The following NUCB1 variants were observed in gnomAD, a reference collection of about 807,000 sequenced individuals.
The protein encoded by NUCB1 is nucleobindin-1.
NUCB1 carries 47 observed loss-of-function variants against 61.2 expected under a neutral mutation model. The observed-to-expected ratio is 0.77, with a 90% CI of 0.61 to 0.98. The LOEUF is 0.98. NUCB1 is among the 50% of genes least tolerant of loss of function. The pLI, the probability that NUCB1 is intolerant of heterozygous loss-of-function variation, is 0.00. For synonymous variants in NUCB1, 234 were observed against 243.1 expected, an observed-to-expected ratio of 0.96 and a Z score of 0.35; for missense variants, 583 against 605.3, an observed-to-expected ratio of 0.96 and a Z score of 0.39.
intron 7 of NUCB1, among the ~76,000 whole-genome samples, chr19:48,916,583 GC>G (rs112078304): frequency 0.11 from 16,357 of 151,758 alleles, 953 homozygotes; most frequent in Middle Eastern, 0.2. Flanking sequence ...TCATACCAGT[GC>G]CCTCCAGCCT....
Position 48,919,054 on chromosome 19 carries a change from AATG to A in NUCB1, c.843_845del (p.Asn281_Glu282delinsLys), listed in dbSNP as rs749731908. Reference sequence around the variant, plus strand: ...GCTGGAGAAAGTGTACGACCCAAAGAATGAGGAGGACGACATGCGGGAGATGGA... The same window carrying A: ...GCTGGAGAAAGTGTACGACCCAAAGAAGGAGGACGACATGCGGGAGATGGA... On this transcript the variant is annotated inframe_deletion, in exon 9 of 13. Transcript: ENST00000405315. 2 of 1,614,030 alleles carry A rather than the reference AATG, an allele frequency of 1.2e-6. No individual in the cohort carries two copies. Among genetic ancestry groups the A allele is most frequent in the East Asian group, 4.5e-5 (2 of 44,878 alleles).
chr19:48,901,986 A>G (rs1043178836), intron 2 of NUCB1, among the ~76,000 whole-genome samples: 1 of 152,124 alleles, frequency 6.6e-6, no homozygotes, highest in Admixed American at 6.6e-5. Flanking sequence ...TGTGTTGCAT[A>G]GTTGTTAGGG....
At chr19:48,913,376 G>A (rs2037501620) in intron 6 of NUCB1, 98 bp from the exon 7 acceptor site, 1 of 1,262,386 alleles carries the variant, frequency 7.9e-7, no homozygotes, top group South Asian at 1.2e-5. Context: ...CTTGCTTGAG[G>A]GAGATGATGT....
At chr19:48,900,952 A>G in intron 2 of NUCB1, 21 bp downstream of exon 2, 1 of 1,613,606 alleles carries the variant, frequency 6.2e-7, no homozygotes, top group Non-Finnish European at 8.5e-7. Context: ...CTGCCCTGCT[A>G]TCCAGCCAGG....
Position 48,919,452 on chromosome 19 carries a change from C to CTTATTTAT in NUCB1, c.1002+200_1002+207dup, listed in dbSNP as rs35642334. ...TCTGTTTTCCCCTGTCTCTAGGACT[C>CTTATTTAT]TTATTTATTTATTTATTTATTTATT... On this transcript the variant is annotated intron_variant, in intron 10 of 12. Transcript: ENST00000405315. Among the ~76,000 whole-genome samples, 1,130 of 141,922 alleles carry CTTATTTAT rather than the reference C, an allele frequency of 8.0e-3. 6 individuals carry two copies. The highest frequency in any genetic ancestry group is 0.016 in the East Asian group (73 of 4,666). 93.1% of individuals were successfully genotyped at this position (141,922 alleles called of 152,430 possible). A position where few individuals can be genotyped will look rare whatever the true frequency, so the allele number is the denominator to read the frequency against.
chr19:48,919,500 C>T (rs1040476939), intron 10 of NUCB1, among the ~76,000 whole-genome samples: 1 of 144,764 alleles, frequency 6.9e-6, no homozygotes, highest in Non-Finnish European at 1.5e-5. Context: ...TATTCTGAGA[C>T]GGAGTCTCAC....
In NUCB1 at chr19:48,913,722, C is replaced by T. The variant is rs543437044; in HGVS notation, c.757+158C>T. Among the ~76,000 whole-genome samples the T allele has an allele frequency of 4.6e-5, 7 of 152,278 alleles. No homozygotes were observed. In the South Asian group the frequency reaches 1.0e-3, roughly 23 times the overall value. ...GTTGACCAGACAGCCCTGCCTCTCC[C>T]GACTACAAGGCTAGGATCTGCATGG... is the stretch of plus-strand genomic sequence containing the variant. On this transcript the variant is annotated intron_variant, in intron 7 of 12. Transcript: ENST00000405315.
In NUCB1 at chr19:48,911,319, G is replaced by T; in HGVS notation, c.480+67G>T. 4 of 1,111,304 alleles carry T rather than the reference G, an allele frequency of 3.6e-6. No individual in the cohort carries two copies. The African/African-American group carries it at 6.1e-5, about 17-fold the overall frequency. The allele number at this position is 1,111,304 out of a possible 1,614,324, so 68.8% of individuals were successfully genotyped here. On this transcript the variant is annotated intron_variant, in intron 5 of 12. Transcript: ENST00000405315. ...TTGCGGAAGGGGAGAAGGGGACAGA[G>T]TCCCAGACGTGAGCCAGCTCACCAT...
chr19:48,913,239 G>A, intron 6 of NUCB1, 43 bp downstream of exon 6: 1 of 1,552,688 alleles, frequency 6.4e-7, no homozygotes, highest in Non-Finnish European at 8.7e-7. Flanking sequence ...ACCACATCCA[G>A]TTCAAACGCA....
At chr19:48,911,391 G>A (rs530130167) in intron 5 of NUCB1, 139 bp downstream of exon 5, 10 of 470,180 alleles carry the variant, frequency 2.1e-5, no homozygotes, top group East Asian at 3.6e-5. Flanking sequence ...GGGCTGAGTC[G>A]TTTCTTTTCT....
intron 2 of NUCB1, among the ~76,000 whole-genome samples, chr19:48,902,664 C>A (rs1019987492): frequency 2.0e-5 from 3 of 151,990 alleles, no homozygotes; most frequent in African/African-American, 4.8e-5. Flanking sequence ...CCCGCCTCGG[C>A]CTCCCAAAGT....
rs750561134 is a variant in NUCB1, at chr19:48,904,336, T to C, written c.136-11T>C. On this transcript the variant is annotated splice_polypyrimidine_tract_variant and intron_variant, in intron 2 of 12. Transcript: ENST00000405315. ...GAGCAGGGGCTGCTATGTCTGTCCT[T>C]GTTGCCTCAGGACACAGGCCTGTAC... is the stretch of plus-strand genomic sequence containing the variant. 3.8e-6 allele frequency: 6 copies of C among 1,573,818 alleles called. No individual in the cohort carries two copies. In the Admixed American group the frequency reaches 1.0e-4, roughly 26 times the overall value.
At chr19:48,904,079 ATGGATGGATGGATGGT>A (rs1379911817) in intron 2 of NUCB1, among the ~76,000 whole-genome samples, 1 of 151,466 alleles carries the variant, frequency 6.6e-6, no homozygotes, top group East Asian at 1.9e-4. Context: ...GGGTGGATGC[ATGGATGGATGGATGGT>A]TGGATGGATG....
Position 48,922,371 on chromosome 19 carries a change from G to T in NUCB1, c.1333G>T (p.Glu445Ter). Residue 445 changes from glutamate (E) to a stop codon, truncating the protein, a stop_gained, in exon 13 of 13, where the codon GAA (glutamate) becomes TAA (stop). Transcript: ENST00000405315. LOFTEE classifies it high-confidence loss of function. ...AGDQKEVDTS[E>*]KKLLERLPEV... ...TGACCAGAAGGAGGTGGACACTTCA[G>T]AAAAGAAACTTCTCGAGCGGCTCCC... The T allele has an allele frequency of 6.2e-7, 1 of 1,613,860 alleles. No homozygotes were observed. Among genetic ancestry groups the T allele is most frequent in the Non-Finnish European group, 8.5e-7 (1 of 1,179,822 alleles).
chr19:48,907,673 T>C (rs1293060928), intron 4 of NUCB1, among the ~76,000 whole-genome samples: 1 of 152,160 alleles, frequency 6.6e-6, no homozygotes, highest in South Asian at 2.1e-4. Flanking sequence ...GTGGATATCT[T>C]TTAGGGCACC....
chr19:48,903,365 C>T (rs2037371935), intron 2 of NUCB1, among the ~76,000 whole-genome samples: 1 of 128,838 alleles, frequency 7.8e-6, no homozygotes, highest in South Asian at 2.4e-4. Context: ...TGAATGCATG[C>T]ATGGGCGGGT....
At position 48,921,886 on chromosome 19, in the gene NUCB1, C is replaced by A. The variant is rs1378434249; in HGVS notation, c.1233C>A (p.Ala411=). 1.2e-6 allele frequency: 2 copies of A among 1,612,182 alleles called. No individual in the cohort carries two copies. Among genetic ancestry groups the A allele is most frequent in the South Asian group, 1.1e-5 (1 of 90,980 alleles). ...QQQQQQQGHK[A]PAAHPEGQLK... is the part of the protein sequence containing the mutation. ...AGCAGCAGCAGCAAGGCCACAAGGC[C>A]CCGGCTGCCCACCCTGAGGGGCAGC... The change falls in exon 12 of 13, where the codon GCC becomes GCA. Residue 411 remains alanine, a synonymous_variant. Transcript: ENST00000405315.
rs773237969 is a variant in NUCB1, at chr19:48,922,479, G to A, written c.*55G>A. The A allele has an allele frequency of 5.5e-5, 78 of 1,428,944 alleles. No individual in the cohort carries two copies. The highest frequency in any genetic ancestry group is 6.4e-5 in the Non-Finnish European group (65 of 1,014,690). The allele number at this position is 1,428,944 out of a possible 1,614,324, so 88.5% of individuals were successfully genotyped here. ...TGATGCTCCAAGGCGACTGATGGGCGCTGGATGAAGTGGCACAGTCAGCTT... is the reference window on the plus strand; with the variant it reads ...TGATGCTCCAAGGCGACTGATGGGCACTGGATGAAGTGGCACAGTCAGCTT... On this transcript the variant is annotated 3_prime_UTR_variant, in exon 13 of 13. Coordinates refer to ENST00000405315, the MANE Select transcript of NUCB1 (RefSeq NM_006184.6).
intron 10 of NUCB1, 67 bp from the exon 11 acceptor site, chr19:48,921,087 C>T (rs369189187): frequency 2.6e-6 from 4 of 1,514,038 alleles, no homozygotes; most frequent in South Asian, 1.3e-5. Flanking sequence ...ATTGGCACAA[C>T]CCTCTCCAAC....
Sources: gnomAD v4.1 joint callset for allele counts (sites outside exome capture counted in the v4.1 genomes callset) on GRCh38, gnomAD v4.1.1 for gene constraint, MANE v1.5 for transcripts, NCBI Gene and HGNC (gene_info 2026-07-23, HGNC 2026-07-21) for gene names.